MAP3K7CL: variants seen among roughly 807,000 people sequenced by gnomAD.
MAP3K7CL encodes MAP3K7 C-terminal-like protein.
A neutral mutation model predicts 18.6 loss-of-function variants in MAP3K7CL; 16 were observed. The observed-to-expected ratio is 0.86, with a 90% CI of 0.58 to 1.31. The LOEUF is 1.31. MAP3K7CL is among the 50% of genes most tolerant of loss of function. MAP3K7CL has a pLI of 0.00. For missense variants in MAP3K7CL, 163 were observed against 174.4 expected (o/e 0.93, Z 0.37); for synonymous variants, 65 against 66.8 (o/e 0.97, Z 0.13).
At chr21:29,133,450 A>C in intron 2 of MAP3K7CL, 36 bp downstream of exon 2, 2 of 1,435,664 alleles carry the variant, frequency 1.4e-6, no homozygotes, top group Non-Finnish European at 1.9e-6. Context: ...TGTTTCCTTC[A>C]TACCCCACCT....
upstream of MAP3K7CL, among the ~76,000 whole-genome samples, chr21:29,082,972 A>T (rs73899308): frequency 3.0e-3 from 452 of 152,138 alleles, 1 homozygote; most frequent in African/African-American, 0.01. Context: ...GCAGGTGACT[A>T]TTAATATCTG....
chr21:29,155,459 G>T (rs768256647), intron 3 of MAP3K7CL, among the ~76,000 whole-genome samples: 1 of 152,164 alleles, frequency 6.6e-6, no homozygotes, highest in Non-Finnish European at 1.5e-5. Context: ...TCCTAGCTGA[G>T]GGTGGCTTGG....
intron 4 of MAP3K7CL, among the ~76,000 whole-genome samples, chr21:29,168,741 C>A (rs916238699): frequency 6.6e-6 from 1 of 152,166 alleles, no homozygotes; most frequent in Admixed American, 6.5e-5. Flanking sequence ...TCCTACTGCT[C>A]AAGGTCATTG....
chr21:29,109,733 T>G, intron 4 of MAP3K7CL: 1 of 985,870 alleles, frequency 1.0e-6, no homozygotes, highest in Non-Finnish European at 1.2e-6. Context: ...AACAGTTATA[T>G]CTCAAGCTGG....
At chr21:29,092,793 G>A (rs1238456776) in intron 4 of MAP3K7CL, among the ~76,000 whole-genome samples, 3 of 152,206 alleles carry the variant, frequency 2.0e-5, no homozygotes, top group East Asian at 1.9e-4. Flanking sequence ...GGCAGGGGCT[G>A]CAGTTTACAG....
At chr21:29,132,836 A>G (rs576113560) in intron 1 of MAP3K7CL, among the ~76,000 whole-genome samples, 1 of 152,306 alleles carries the variant, frequency 6.6e-6, no homozygotes, top group African/African-American at 2.4e-5. Context: ...AAATGATTCC[A>G]TGAAACCCAT....
chr21:29,131,807 A>G (rs1027312699), intron 1 of MAP3K7CL, among the ~76,000 whole-genome samples: 2 of 151,058 alleles, frequency 1.3e-5, no homozygotes, highest in Admixed American at 1.3e-4. Flanking sequence ...ATGTATGTCT[A>G]AATATACATG....
intron 4 of MAP3K7CL, among the ~76,000 whole-genome samples, chr21:29,108,393 G>A (rs766179656): frequency 1.3e-5 from 2 of 152,128 alleles, no homozygotes; most frequent in Admixed American, 6.6e-5. Context: ...CTAGAACTGT[G>A]AGAAATAAAT....
rs548028901 is a variant in MAP3K7CL, at chr21:29,089,984, AGAATTGAT to A, written c.58-1516_58-1509del. Among the ~76,000 whole-genome samples the A allele has an allele frequency of 4.2e-3, 635 of 152,300 alleles. 3 individuals carry two copies. Among genetic ancestry groups the A allele is most frequent in the Non-Finnish European group, 7.2e-3 (489 of 67,998 alleles). ...AAGGCAGGAGGGAAGGAAAAAAGAA[AGAATTGAT>A]ATAACCTAATAATTTTGATACTATT... On this transcript the variant is annotated intron_variant, in intron 1 of 6. Transcript: ENST00000286791.
chr21:29,103,112 C>G (rs1037260502), intron 4 of MAP3K7CL, among the ~76,000 whole-genome samples: 2 of 152,180 alleles, frequency 1.3e-5, no homozygotes, highest in African/African-American at 4.8e-5. Flanking sequence ...AAGTACTGCT[C>G]CAAGGCCAAA....
upstream of MAP3K7CL, among the ~76,000 whole-genome samples, chr21:29,130,156 T>G (rs2086752280): frequency 6.6e-6 from 1 of 152,360 alleles, no homozygotes; most frequent in Middle Eastern, 3.4e-3. Context: ...AAAATCACAA[T>G]CCAATTATTT....
chr21:29,160,063 A>G lies in MAP3K7CL; in HGVS notation c.248+7A>G, dbSNP rs763954196. 2 of 1,605,468 alleles carry G rather than the reference A, an allele frequency of 1.2e-6. No homozygotes were observed. The highest frequency in any genetic ancestry group is 2.2e-5 in the East Asian group (1 of 44,804). On this transcript the variant is annotated splice_region_variant and intron_variant, in intron 4 of 4. Coordinates refer to ENST00000399928, the MANE Select transcript of MAP3K7CL (RefSeq NM_001286620.2). ...CCCTGCTTGAGCAAAGGAAGTAAGT[A>G]CCTACCCCCCTCACTCTACATCTGA...
chr21:29,101,469 G>T (rs2086228609), intron 4 of MAP3K7CL, among the ~76,000 whole-genome samples: 1 of 152,154 alleles, frequency 6.6e-6, no homozygotes, highest in African/African-American at 2.4e-5. Context: ...GTGTGCAGTG[G>T]CGCCATCTCT....
chr21:29,158,978 T>G (rs1281052174), intron 3 of MAP3K7CL, among the ~76,000 whole-genome samples: 2 of 140,610 alleles, frequency 1.4e-5, no homozygotes, highest in Non-Finnish European at 1.5e-5. Context: ...TGGAGTACAG[T>G]GGCATGATCT....
chr21:29,117,252 C>T (rs1299963989), intron 4 of MAP3K7CL, among the ~76,000 whole-genome samples: 2 of 152,158 alleles, frequency 1.3e-5, no homozygotes, highest in African/African-American at 4.8e-5. Context: ...TTTGTGGACT[C>T]TTCTAGGAAA....
intron 3 of MAP3K7CL, among the ~76,000 whole-genome samples, chr21:29,151,327 C>T (rs1054389323): frequency 2.0e-5 from 3 of 151,726 alleles, no homozygotes; most frequent in African/African-American, 4.8e-5. Context: ...TGTGGTGGCA[C>T]ACACCTATAG....
At chr21:29,137,923 G>C (rs908524732) in intron 2 of MAP3K7CL, among the ~76,000 whole-genome samples, 1 of 152,172 alleles carries the variant, frequency 6.6e-6, no homozygotes, top group Admixed American at 6.5e-5. Context: ...AATGTGGAGA[G>C]ATGAGAGAAT....
upstream of MAP3K7CL, among the ~76,000 whole-genome samples, chr21:29,082,349 A>C (rs1368485466): frequency 6.6e-6 from 1 of 152,170 alleles, no homozygotes; most frequent in Non-Finnish European, 1.5e-5. Context: ...ATTTCTCACA[A>C]AAAATTTCTA....
chr21:29,169,443 T>C (rs940754815), intron 4 of MAP3K7CL, among the ~76,000 whole-genome samples: 2 of 152,248 alleles, frequency 1.3e-5, no homozygotes, highest in Non-Finnish European at 2.9e-5. Flanking sequence ...TGACTCCTTC[T>C]GTCCTGCGTA....
Sources: allele counts gnomAD v4.1 joint callset (sites outside exome capture counted in the v4.1 genomes callset), GRCh38; gene constraint gnomAD v4.1.1; transcripts MANE v1.5; gene names NCBI Gene and HGNC (gene_info 2026-07-23, HGNC 2026-07-21).